SP140: variants seen among roughly 807,000 people sequenced by gnomAD.
The protein encoded by SP140 is SP140 nuclear body protein.
Under a neutral mutation model 125.0 loss-of-function variants are expected in SP140, and 81 were observed. The observed-to-expected ratio is 0.65, with a 90% CI of 0.54 to 0.78. The LOEUF is 0.78. Ranked by LOEUF, SP140 falls within the 30% of genes least tolerant of loss-of-function variation. SP140 has a pLI of 0.00. For synonymous variants in SP140, 312 were observed against 354.0 expected, an observed-to-expected ratio of 0.88 and a Z score of 1.33; for missense variants, 858 against 1,037.0, an observed-to-expected ratio of 0.83 and a Z score of 2.37.
intron 3 of SP140, among the ~76,000 whole-genome samples, chr2:230,240,795 C>G (rs1324843609): frequency 6.6e-6 from 1 of 152,144 alleles, no homozygotes; most frequent in African/African-American, 2.4e-5. Context: ...TTGGCAGTTT[C>G]ACTCCTAGGT....
At chr2:230,220,242 G>A (rs2045696785) in intron 3 of SP140, 2 of 174,716 alleles carry the variant, frequency 1.1e-5, no homozygotes, top group African/African-American at 4.8e-5. Context: ...TAGGAACTGG[G>A]AACTCAGCGT....
At chr2:230,217,546 T>G (rs1386179752) in intron 3 of SP140, among the ~76,000 whole-genome samples, 1 of 152,240 alleles carries the variant, frequency 6.6e-6, no homozygotes, top group Non-Finnish European at 1.5e-5. Flanking sequence ...CCAGACTTTG[T>G]TCTAAGGGTT....
chr2:230,209,853 GACAAGAT>G, intron 1 of SP140: 1 of 868,066 alleles, frequency 1.2e-6, no homozygotes, highest in Non-Finnish European at 2.0e-6. Flanking sequence ...TGGTGCTCTT[GACAAGAT>G]ACAGTCAGAA....
At chr2:230,310,093 C>T in intron 23 of SP140, 54 bp downstream of exon 23, 3 of 1,543,988 alleles carry the variant, frequency 1.9e-6, no homozygotes, top group Non-Finnish European at 2.7e-6. Flanking sequence ...CTTCCACCTG[C>T]CATGCGCACT....
At chr2:230,197,689 A>C in the SP140 span, among the ~76,000 whole-genome samples, 43 of 152,202 alleles carry the variant, frequency 2.8e-4, no homozygotes, top group Admixed American at 2.0e-4. Context: ...CTAACATGTA[A>C]GTCTTTAATC....
At chr2:230,270,524 C>T in intron 14 of SP140, 62 bp from the exon 15 acceptor site, 1 of 1,475,588 alleles carries the variant, frequency 6.8e-7, no homozygotes, top group Non-Finnish European at 9.4e-7. Context: ...ATACATTGTC[C>T]TAAAATCTAT....
At position 230,238,269 on chromosome 2, in the gene SP140, A is replaced by G; in HGVS notation, c.294A>G (p.Val98=). The G allele has an allele frequency of 1.9e-6, 3 of 1,613,520 alleles. No homozygotes were observed. Among genetic ancestry groups the G allele is most frequent in the Non-Finnish European group, 2.5e-6 (3 of 1,179,490 alleles). Residue 98 remains valine, a synonymous_variant, in exon 3 of 27, where the codon GTA becomes GTG. Transcript: ENST00000392045. ...LVPVTRVMYC[V]LSELEKTFGW... is the part of the protein sequence containing the mutation. ...CAGTGACAAGAGTGATGTATTGTGT[A>G]CTCAGTGAACTGGAGAAGACATTTG...
At chr2:230,212,472 A>T in intron 1 of SP140, 1 of 1,442,622 alleles carries the variant, frequency 6.9e-7, no homozygotes, top group Non-Finnish European at 9.8e-7. Context: ...CAGGGACTGG[A>T]TGTCAGGGAG....
At chr2:230,213,310 G>A (rs76329891) in intron 1 of SP140, among the ~76,000 whole-genome samples, 2,732 of 152,218 alleles carry the variant, frequency 0.018, 76 homozygotes, top group African/African-American at 0.062. Flanking sequence ...GTACCCAGGG[G>A]TTTAACTTTT....
At chr2:230,274,492 C>T (rs764094821) in intron 15 of SP140, among the ~76,000 whole-genome samples, 8 of 152,024 alleles carry the variant, frequency 5.3e-5, no homozygotes, top group South Asian at 2.1e-4. Flanking sequence ...GGCAGCCTTC[C>T]GAAGCTGGAA....
chr2:230,243,478 G>C (rs1459038994), intron 4 of SP140, among the ~76,000 whole-genome samples: 2 of 152,130 alleles, frequency 1.3e-5, no homozygotes, highest in South Asian at 4.1e-4. Flanking sequence ...ACAGAAACAG[G>C]TGGAAAGACA....
At position 230,248,893 on chromosome 2, in the gene SP140, G is replaced by A; in HGVS notation, c.901G>A (p.Asp301Asn). 5 of 1,612,118 alleles carry A rather than the reference G, an allele frequency of 3.1e-6. No homozygotes were observed. The highest frequency in any genetic ancestry group is 4.2e-6 in the Non-Finnish European group (5 of 1,178,322). Reference protein sequence around the residue: ...SPEGRDKETFDLKTPQVTNEG... With the variant: ...SPEGRDKETFNLKTPQVTNEG... ...TTCTTGTTTATCTGCAGAGACCTTT[G>A]ATCTAAAAACTCCCCAAGTCACTAA... Residue 301 changes from aspartate (D) to asparagine (N), a missense_variant, in exon 9 of 27, where the codon GAT (aspartate) becomes AAT (asparagine). Coordinates refer to ENST00000392045, the MANE Select transcript of SP140 (RefSeq NM_007237.5).
intron 15 of SP140, among the ~76,000 whole-genome samples, chr2:230,279,405 G>T (rs1410704186): frequency 2.0e-5 from 3 of 152,064 alleles, no homozygotes; most frequent in Non-Finnish European, 4.4e-5. Flanking sequence ...CATACTGTCT[G>T]ATTTTAAACT....
intron 9 of SP140, 36 bp from the exon 10 acceptor site, chr2:230,250,945 T>G: frequency 6.2e-7 from 1 of 1,609,976 alleles, no homozygotes; most frequent in Non-Finnish European, 8.5e-7. Flanking sequence ...AGTTTTCTCT[T>G]CATAATTTCT....
At chr2:230,291,175 A>AG (rs2057066224) in intron 19 of SP140, among the ~76,000 whole-genome samples, 2 of 152,252 alleles carry the variant, frequency 1.3e-5, no homozygotes, top group South Asian at 4.1e-4. Context: ...TTGCCAAAAA[A>AG]TGTCTATTAG....
intron 15 of SP140, among the ~76,000 whole-genome samples, chr2:230,283,578 G>A (rs938974836): frequency 6.6e-6 from 1 of 152,148 alleles, no homozygotes; most frequent in Admixed American, 6.5e-5. Flanking sequence ...CACCACTTTT[G>A]TCCTGGTCAC....
chr2:230,206,634 T>TATATATATATAG, intron 1 of SP140, among the ~76,000 whole-genome samples: 1 of 118,130 alleles, frequency 8.5e-6, no homozygotes, highest in Non-Finnish European at 1.7e-5. Context: ...TATATATATA[T>TATATATATATAG]ATATGGACCA....
intron 1 of SP140, chr2:230,209,897 C>G (rs1458997432): frequency 7.8e-7 from 1 of 1,275,064 alleles, no homozygotes; most frequent in African/African-American, 1.5e-5. Flanking sequence ...TGAATTCACC[C>G]TTCTGACCTC....
In SP140 at chr2:230,240,019, G is replaced by A. The variant is rs139709083; in HGVS notation, c.407-1385G>A. Among the ~76,000 whole-genome samples, 461 of 152,248 alleles carry A rather than the reference G, an allele frequency of 3.0e-3. 1 individual carries two copies. Among genetic ancestry groups the A allele is most frequent in the Non-Finnish European group, 3.6e-3 (243 of 68,016 alleles). Reference sequence around the variant, plus strand: ...TGGCACTTCCTGTGTTTGGGTGACAGGTACCTGAGGCTCACGACTGCCCAC... The same window carrying A: ...TGGCACTTCCTGTGTTTGGGTGACAAGTACCTGAGGCTCACGACTGCCCAC... On this transcript the variant is annotated intron_variant, in intron 3 of 26. Coordinates refer to ENST00000392045, the MANE Select transcript of SP140 (RefSeq NM_007237.5).
Sources: allele counts gnomAD v4.1 joint callset (sites outside exome capture counted in the v4.1 genomes callset), GRCh38; gene constraint gnomAD v4.1.1; transcripts MANE v1.5; gene names NCBI Gene and HGNC (gene_info 2026-07-23, HGNC 2026-07-21).